Variants in ATL3 observed in about 807,000 individuals in gnomAD.
ATL3 encodes the protein atlastin-3.
ATL3 carries 49 observed loss-of-function variants against 69.5 expected under a neutral mutation model. The ratio of observed to expected loss-of-function variants is 0.71; its 90% confidence interval spans 0.56 to 0.89. The LOEUF (loss-of-function observed/expected upper bound fraction) is 0.89, where lower values mean the gene tolerates loss of function less well. ATL3 is among the 40% of genes least tolerant of loss of function. The pLI, the probability that ATL3 is intolerant of heterozygous loss-of-function variation, is 0.00. For synonymous variants in ATL3, 214 were observed against 224.1 expected (o/e 0.95, Z 0.40); for missense variants, 606 against 645.7 (o/e 0.94, Z 0.67).
intron 1 of ATL3, among the ~76,000 whole-genome samples, chr11:63,667,914 T>C (rs558971675): frequency 1.3e-5 from 2 of 152,150 alleles, no homozygotes; most frequent in South Asian, 4.1e-4. Flanking sequence ...ACCCACTAGA[T>C]ACCAGTAACA....
intron 6 of ATL3, among the ~76,000 whole-genome samples, chr11:63,645,556 G>GAGAGAGAC (rs1004210210): frequency 6.6e-6 from 1 of 151,732 alleles, no homozygotes; most frequent in Admixed American, 6.6e-5. Flanking sequence ...GAGAGAGAGA[G>GAGAGAGAC]AGAGAGACAG....
chr11:63,643,061 A>G (rs1376009521), intron 8 of ATL3, among the ~76,000 whole-genome samples: 2 of 152,238 alleles, frequency 1.3e-5, no homozygotes, highest in Non-Finnish European at 2.9e-5. Flanking sequence ...TTAGCTGACT[A>G]ATGTTTAGTC....
chr11:63,662,226 AAAAG>A (rs950565502), intron 1 of ATL3, among the ~76,000 whole-genome samples: 11 of 151,738 alleles, frequency 7.2e-5, no homozygotes, highest in South Asian at 2.1e-4. Flanking sequence ...AAAAAAAAAA[AAAAG>A]AAAGAAAGAA....
At chr11:63,637,001 G>A (rs550531364) in intron 8 of ATL3, among the ~76,000 whole-genome samples, 3 of 152,170 alleles carry the variant, frequency 2.0e-5, no homozygotes, top group African/African-American at 4.8e-5. Flanking sequence ...TTTGATGGCC[G>A]TGCGTGGTGG....
chr11:63,662,352 G>A (rs1940448337), intron 1 of ATL3, among the ~76,000 whole-genome samples: 1 of 152,128 alleles, frequency 6.6e-6, no homozygotes, highest in South Asian at 2.1e-4. Context: ...TGTGTCACTG[G>A]TATTAAAGAT....
intron 11 of ATL3, chr11:63,632,537 G>A: frequency 1.2e-6 from 1 of 863,368 alleles, no homozygotes; most frequent in Non-Finnish European, 2.0e-6. Context: ...AAAAGCTACA[G>A]TTATGTCCCA....
At chr11:63,633,121 C>G in intron 10 of ATL3, 24 bp from the exon 11 acceptor site, 1 of 1,592,472 alleles carries the variant, frequency 6.3e-7, no homozygotes, top group Non-Finnish European at 8.6e-7. Context: ...AAAACGTGAA[C>G]TGTAAATCCT....
chr11:63,661,820 T>C (rs1365797340), intron 1 of ATL3, among the ~76,000 whole-genome samples: 2 of 150,304 alleles, frequency 1.3e-5, no homozygotes, highest in Admixed American at 1.3e-4. Flanking sequence ...ACCCAGTAGG[T>C]GGAGGTTGTG....
intron 3 of ATL3, among the ~76,000 whole-genome samples, chr11:63,656,612 T>C (rs1039430008): frequency 1.3e-5 from 2 of 151,272 alleles, no homozygotes; most frequent in Admixed American, 1.3e-4. Flanking sequence ...TGCGCGCCTG[T>C]AGTCCCAGCT....
chr11:63,664,262 G>A (rs538016616), intron 1 of ATL3, among the ~76,000 whole-genome samples: 10 of 152,320 alleles, frequency 6.6e-5, no homozygotes, highest in African/African-American at 2.4e-4. Context: ...AGCGAGGCCA[G>A]CCTCGGTGGC....
At chr11:63,644,870 G>C (rs905104964) in intron 6 of ATL3, among the ~76,000 whole-genome samples, 1 of 152,110 alleles carries the variant, frequency 6.6e-6, no homozygotes, top group Non-Finnish European at 1.5e-5. Context: ...GAAATCTATG[G>C]GGAATACAGT....
At chr11:63,634,038 C>CAAAAAAA (rs1158615731) in intron 10 of ATL3, among the ~76,000 whole-genome samples, 7 of 76,052 alleles carry the variant, frequency 9.2e-5, no homozygotes, top group Non-Finnish European at 1.6e-4. Flanking sequence ...CTGTCTCAAA[C>CAAAAAAA]AAAAAAAAAA....
At chr11:63,629,539 G>A (rs1939236287) in intron 12 of ATL3, 134 bp from the exon 13 acceptor site, 2 of 722,506 alleles carry the variant, frequency 2.8e-6, no homozygotes, top group Admixed American at 2.4e-5. Flanking sequence ...AAAATGCAGG[G>A]ATACAGAGAG....
intron 1 of ATL3, among the ~76,000 whole-genome samples, chr11:63,662,123 G>C (rs1940440502): frequency 6.7e-6 from 1 of 150,316 alleles, no homozygotes; most frequent in African/African-American, 2.5e-5. Flanking sequence ...TGAGGCAGGA[G>C]AATTACTTGA....
At position 63,625,140 on chromosome 11, in the gene ATL3, C is replaced by A. The variant is rs1939062969; in HGVS notation, c.*4179G>T. 1 of 152,150 alleles carries A rather than the reference C, an allele frequency of 6.6e-6. No homozygotes were observed. The allele number at this position is 152,150 out of a possible 1,614,324, so 9.4% of individuals were successfully genotyped here. A position where few individuals can be genotyped will look rare whatever the true frequency, so the allele number is the denominator to read the frequency against. On this transcript the variant is annotated 3_prime_UTR_variant, in exon 13 of 13. Transcript: ENST00000398868. ...TACAGCAAGAAAAACCATTTGACTG[C>A]AAATATTATTTTACAATGGGCTTCT...
chr11:63,649,145 T>C (rs905707218), intron 5 of ATL3, among the ~76,000 whole-genome samples: 1 of 152,018 alleles, frequency 6.6e-6, no homozygotes, highest in African/African-American at 2.4e-5. Context: ...AAAAAAGTAC[T>C]AAAAATCCAG....
rs1055731908 is a variant in ATL3, at chr11:63,627,085, G to A, written c.*2234C>T. 2.6e-5 allele frequency: 4 copies of A among 151,882 alleles called. No homozygotes were observed. The highest frequency in any genetic ancestry group is 9.7e-5 in the African/African-American group (4 of 41,350). The allele number at this position is 151,882 out of a possible 1,614,324, so 9.4% of individuals were successfully genotyped here. On this transcript the variant is annotated 3_prime_UTR_variant, in exon 13 of 13. Transcript: ENST00000398868. ...CATACATTATCACTTTTTTTAAAGTGACCTAATACTTTAGTATGAGTTTTC... is the reference window on the plus strand; with the variant it reads ...CATACATTATCACTTTTTTTAAAGTAACCTAATACTTTAGTATGAGTTTTC...
intron 10 of ATL3, among the ~76,000 whole-genome samples, chr11:63,634,219 A>G (rs1345743220): frequency 6.7e-6 from 1 of 150,326 alleles, no homozygotes; most frequent in African/African-American, 2.5e-5. Flanking sequence ...AGAAGAAAAA[A>G]AAGGGGGCTG....
intron 4 of ATL3, 100 bp downstream of exon 4, chr11:63,652,371 C>G: frequency 1.4e-6 from 1 of 736,212 alleles, no homozygotes; most frequent in Non-Finnish European, 2.1e-6. Flanking sequence ...ATTTACATAT[C>G]ATCCTAGAAA....
Sources: allele counts gnomAD v4.1 joint callset (sites outside exome capture counted in the v4.1 genomes callset), GRCh38; gene constraint gnomAD v4.1.1; transcripts MANE v1.5; gene names NCBI Gene and HGNC (gene_info 2026-07-23, HGNC 2026-07-21).